TERT: variants seen among roughly 807,000 people sequenced by gnomAD.
TERT encodes telomerase reverse transcriptase.
Under a neutral mutation model 104.0 loss-of-function variants are expected in TERT, and 42 were observed. The observed-to-expected ratio is 0.40, with a 90% CI of 0.32 to 0.52. The LOEUF (loss-of-function observed/expected upper bound fraction) is 0.52, where lower values mean the gene tolerates loss of function less well. Ranked by LOEUF, TERT falls within the 20% of genes least tolerant of loss-of-function variation. The pLI is 0.43. For synonymous variants in TERT, 781 were observed against 725.6 expected (o/e 1.08, Z -1.23); for missense variants, 1,101 against 1,610.3 (o/e 0.68, Z 5.41).
Position 1,293,915 on chromosome 5 carries a change from ACCGGGGGACAAGGCGTGT to A in TERT, c.953_970del (p.Asp318_Pro323del). Reference sequence around the variant, plus strand: ...GAGGAAGTGCTTGGTCTCGGCGTACACCGGGGGACAAGGCGTGTCCCAGGGACGTGGTGGCCGCGATGT... The same window carrying A: ...GAGGAAGTGCTTGGTCTCGGCGTACACCCAGGGACGTGGTGGCCGCGATGT... On this transcript the variant is annotated inframe_deletion, in exon 2 of 16. Coordinates refer to ENST00000310581, the MANE Select transcript of TERT (RefSeq NM_198253.3). The A allele has an allele frequency of 6.5e-7, 1 of 1,542,094 alleles. No homozygotes were observed. The highest frequency in any genetic ancestry group is 8.7e-7 in the Non-Finnish European group (1 of 1,147,152).
chr5:1,261,571 G>A lies in TERT; in HGVS notation c.2844-971C>T, dbSNP rs1748228666. 6.6e-6 allele frequency among the ~76,000 whole-genome samples: 1 copy of A among 152,230 alleles called. No individual in the cohort carries two copies. The highest frequency in any genetic ancestry group is 2.4e-5 in the African/African-American group (1 of 41,466). On this transcript the variant is annotated intron_variant, in intron 11 of 15. Coordinates refer to ENST00000310581, the MANE Select transcript of TERT (RefSeq NM_198253.3). This position sits in a 1 kb window ranked among gnomAD's most constrained non-coding sequence, Gnocchi z 7.4. The stretch of plus-strand genomic sequence containing the variant: ...GCTGGCTCTTGGCAAGCCCAGAAAA[G>A]GAGCCAGCATGAGGGATGGGGACAG...
rs1397736061 is a variant in TERT at position 1,292,225 on chromosome 5, G to C, written c.1573+1088C>G. On this transcript the variant is annotated intron_variant, in intron 2 of 15. Coordinates refer to ENST00000310581, the MANE Select transcript of TERT (RefSeq NM_198253.3). The surrounding 1 kb of genome is among the most constrained non-coding windows in gnomAD (Gnocchi z 5.5). The stretch of plus-strand genomic sequence containing the variant: ...GAGTTTGTGGGGAGGGGGTGAAATC[G>C]GGACTTCTTCTAGCTGCCACGGTAG... Among the ~76,000 whole-genome samples, 1 of 152,124 alleles carries C rather than the reference G, an allele frequency of 6.6e-6. No homozygotes were observed. The highest frequency in any genetic ancestry group is 2.4e-5 in the African/African-American group (1 of 41,420).
intron 12 of TERT, among the ~76,000 whole-genome samples, chr5:1,260,249 C>T (rs143804391): frequency 5.4e-4 from 82 of 152,358 alleles, no homozygotes; most frequent in Middle Eastern, 3.4e-3. Flanking sequence ...GGTGTGCATT[C>T]GCATGTGCAC....
Position 1,288,301 on chromosome 5 carries a change from G to T in TERT, c.1573+5012C>A, listed in dbSNP as rs1750615077. Among the ~76,000 whole-genome samples the T allele has an allele frequency of 6.6e-6, 1 of 152,164 alleles. No homozygotes were observed. Among genetic ancestry groups the T allele is most frequent in the Non-Finnish European group, 1.5e-5 (1 of 68,036 alleles). On this transcript the variant is annotated intron_variant, in intron 2 of 15. Coordinates refer to ENST00000310581, the MANE Select transcript of TERT (RefSeq NM_198253.3). The surrounding 1 kb of genome is among the most constrained non-coding windows in gnomAD (Gnocchi z 5.3). The stretch of plus-strand genomic sequence containing the variant: ...AGGCAGCACTTAGAGGGAAAGGCAT[G>T]ACTAAACTAAGAAGCTAGAAAAGGA...
chr5:1,268,459 T>C lies in TERT; in HGVS notation c.2582+61A>G. 5 of 1,265,902 alleles carry C rather than the reference T, an allele frequency of 3.9e-6. No homozygotes were observed. The highest frequency in any genetic ancestry group is 5.7e-6 in the Non-Finnish European group (5 of 874,356). 78.4% of individuals were successfully genotyped at this position (1,265,902 alleles called of 1,614,324 possible). A position where few individuals can be genotyped will look rare whatever the true frequency, so the allele number is the denominator to read the frequency against. ...TCCAGAGCACCAGGAATATTAACAC[T>C]GAATGCATCAAAAGCAAATCAACCC... is the stretch of plus-strand genomic sequence containing the variant. On this transcript the variant is annotated intron_variant, in intron 9 of 15. Transcript: ENST00000310581. This position sits in a 1 kb window ranked among gnomAD's most constrained non-coding sequence, Gnocchi z 5.5.
At position 1,272,197 on chromosome 5, in the gene TERT, G is replaced by A. The variant is rs376251639; in HGVS notation, c.2370C>T (p.Val790=). The A allele has an allele frequency of 3.1e-5, 50 of 1,611,964 alleles. 1 individual carries two copies. The African/African-American group carries it at 4.9e-4, about 16-fold the overall frequency. Residue 790 remains valine, a synonymous_variant, in exon 7 of 16, where the codon GTC becomes GTT. Transcript: ENST00000310581. Reference sequence around the variant, plus strand: ...GCAGTGCCCAGACCTGCTCGATGACGACGGCATCCCTCAGCGGGCTGGTCT... The same window carrying A: ...GCAGTGCCCAGACCTGCTCGATGACAACGGCATCCCTCAGCGGGCTGGTCT... ...LQETSPLRDA[V]VIEQSSSLNE...
chr5:1,285,196 A>T (rs979269536), intron 2 of TERT, among the ~76,000 whole-genome samples: 13 of 142,134 alleles, frequency 9.1e-5, no homozygotes, highest in Non-Finnish European at 3.1e-5. Flanking sequence ...CTCACCCCTG[A>T]CCTGCACCAT....
rs1048181253 is a variant in TERT at position 1,270,743 on chromosome 5, A to G, written c.2468+376T>C. On this transcript the variant is annotated intron_variant, in intron 8 of 15. Transcript: ENST00000310581. This position sits in a 1 kb window ranked among gnomAD's most constrained non-coding sequence, Gnocchi z 8.3. ...CTTTTGTATCGGGAGAGAGAGATAC[A>G]AGCGTGTGAGAGCCGGGTGTCCAGC... Among the ~76,000 whole-genome samples, 1 of 152,256 alleles carries G rather than the reference A, an allele frequency of 6.6e-6. No individual in the cohort carries two copies. The highest frequency in any genetic ancestry group is 2.1e-4 in the South Asian group (1 of 4,830).
In TERT at chr5:1,255,205, A is replaced by C. The variant is rs1747629330; in HGVS notation, c.3157+82T>G. 1 of 1,563,144 alleles carries C rather than the reference A, an allele frequency of 6.4e-7. No homozygotes were observed. The highest frequency in any genetic ancestry group is 8.7e-7 in the Non-Finnish European group (1 of 1,148,200). On this transcript the variant is annotated intron_variant, in intron 14 of 15. Coordinates refer to ENST00000310581, the MANE Select transcript of TERT (RefSeq NM_198253.3). This position sits in a 1 kb window ranked among gnomAD's most constrained non-coding sequence, Gnocchi z 6.9. ...TGCGAAAAGGGGTAAGAACTTCCTA[A>C]GCCCAGATTCACTCAGTCTCCTGAC...
At position 1,265,765 on chromosome 5, in the gene TERT, A is replaced by G. The variant is rs917523635; in HGVS notation, c.2654+699T>C. On this transcript the variant is annotated intron_variant, in intron 10 of 15. Transcript: ENST00000310581. The surrounding 1 kb of genome is among the most constrained non-coding windows in gnomAD (Gnocchi z 6.9). ...GCCACATTTTCTGAGGGTTCCCTTT[A>G]CAGCTTTCAAGGTTTCTCGTCCCTC... 2.0e-5 allele frequency among the ~76,000 whole-genome samples: 3 copies of G among 152,036 alleles called. No individual in the cohort carries two copies. Among genetic ancestry groups the G allele is most frequent in the Non-Finnish European group, 2.9e-5 (2 of 67,998 alleles).
In TERT at chr5:1,282,298, C is replaced by A; in HGVS notation, c.1769+131G>T. ...GAATCCACTTGGACCAGGCCTGTGACGGGGCCCCTGGCTCCCAGCCCAGAG... is the reference window on the plus strand; with the variant it reads ...GAATCCACTTGGACCAGGCCTGTGAAGGGGCCCCTGGCTCCCAGCCCAGAG... On this transcript the variant is annotated intron_variant, in intron 3 of 15. Transcript: ENST00000310581. The A allele has an allele frequency of 3.2e-6, 3 of 942,978 alleles. No homozygotes were observed. In the South Asian group the frequency reaches 4.1e-5, roughly 13 times the overall value. 58.4% of individuals were successfully genotyped at this position (942,978 alleles called of 1,614,324 possible).
intron 6 of TERT, among the ~76,000 whole-genome samples, chr5:1,276,704 A>G (rs1484059436): frequency 6.5e-5 from 3 of 46,222 alleles, no homozygotes; most frequent in Non-Finnish European, 2.7e-4. Context: ...CAATTCCACC[A>G]ATCCCCACCC....
intron 3 of TERT, among the ~76,000 whole-genome samples, chr5:1,281,803 C>T (rs753893664): frequency 1.3e-5 from 2 of 152,118 alleles, no homozygotes; most frequent in Non-Finnish European, 2.9e-5. Context: ...AAAAGAGAAT[C>T]GGGGGCTGGG....
chr5:1,278,525 G>A, intron 6 of TERT, 116 bp downstream of exon 6: 1 of 1,435,142 alleles, frequency 7.0e-7, no homozygotes, highest in Non-Finnish European at 9.8e-7. Flanking sequence ...TCACAGATGT[G>A]TAAATCATGG....
chr5:1,264,417 T>C lies in TERT; in HGVS notation c.2830A>G (p.Ser944Gly). 6.2e-7 allele frequency: 1 copy of C among 1,612,978 alleles called. No homozygotes were observed. Among genetic ancestry groups the C allele is most frequent in the Non-Finnish European group, 8.5e-7 (1 of 1,179,884 alleles). Residue 944 changes from serine (S) to glycine (G), a missense_variant, in exon 11 of 16, where the codon AGC becomes GGC. Physicochemically the swap from Ser to Gly is moderately conservative, Grantham distance 56 (BLOSUM62 0). Transcript: ENST00000310581. Reference sequence around the variant, plus strand: ...AGGTGCGCTCACCTGGAGTAGTCGCTCTGCACCTCCAGGGTCCGGGTATCC... The same window carrying C: ...AGGTGCGCTCACCTGGAGTAGTCGCCCTGCACCTCCAGGGTCCGGGTATCC... ...LLDTRTLEVQSDYSSYARTSI... is the reference protein window; with the variant it reads ...LLDTRTLEVQGDYSSYARTSI...
chr5:1,254,312 G>A (rs1172836345), intron 15 of TERT, 56 bp downstream of exon 15: 29 of 1,611,508 alleles, frequency 1.8e-5, no homozygotes, highest in East Asian at 6.7e-5. Context: ...CACACAGGGC[G>A]TTCAAGGATG....
chr5:1,272,950 TCGC>T (rs1749204234), intron 6 of TERT, among the ~76,000 whole-genome samples: 2 of 42 alleles, frequency 0.048, 1 homozygote. Flanking sequence ...CTGTGACCGA[TCGC>T]CATCCAGTCA....
chr5:1,291,421 G>A (rs1448369802), intron 2 of TERT, among the ~76,000 whole-genome samples: 42 of 67,212 alleles, frequency 6.2e-4, no homozygotes, highest in African/African-American at 7.4e-4. Flanking sequence ...CACGGGACAG[G>A]GACACCCGGG....
rs557808379 is a variant in TERT at position 1,271,042 on chromosome 5, C to G, written c.2468+77G>C. On this transcript the variant is annotated intron_variant, in intron 8 of 15. Coordinates refer to ENST00000310581, the MANE Select transcript of TERT (RefSeq NM_198253.3). ...GGGCAGAAGGGCAGTGGGGAAGGGGCAGGAGAGAGGTGAGCAGAAGCCCTG... is the reference window on the plus strand; with the variant it reads ...GGGCAGAAGGGCAGTGGGGAAGGGGGAGGAGAGAGGTGAGCAGAAGCCCTG... 6.0e-5 allele frequency: 71 copies of G among 1,181,904 alleles called. 1 individual carries two copies. In the South Asian group the frequency reaches 8.3e-4, roughly 14 times the overall value. The allele number at this position is 1,181,904 out of a possible 1,614,324, so 73.2% of individuals were successfully genotyped here. A position where few individuals can be genotyped will look rare whatever the true frequency, so the allele number is the denominator to read the frequency against.
Sources: gnomAD v4.1 joint callset for allele counts (sites outside exome capture counted in the v4.1 genomes callset) on GRCh38, gnomAD v4.1.1 for gene constraint, Gnocchi (gnomAD v3.1) non-coding constraint, MANE v1.5 for transcripts, NCBI Gene and HGNC (gene_info 2026-07-23, HGNC 2026-07-21) for gene names.